The following SFMBT2 variants were observed in gnomAD, a reference collection of about 807,000 sequenced individuals.
SFMBT2 encodes the protein Scm like with four mbt domains 2.
SFMBT2 carries 38 observed loss-of-function variants against 110.1 expected under a neutral mutation model. The ratio of observed to expected loss-of-function variants is 0.35; its 90% CI spans 0.27 to 0.45. SFMBT2 has a LOEUF of 0.45. Ranked by LOEUF, SFMBT2 falls within the 20% of genes least tolerant of loss-of-function variation. The pLI, the probability that SFMBT2 is intolerant of heterozygous loss-of-function variation, is 1.00. For synonymous variants in SFMBT2, 425 were observed against 425.4 expected (o/e 1.00, Z 0.01); for missense variants, 1,011 against 1,094.9 (o/e 0.92, Z 1.08).
chr10:7,221,676 T>C (rs1839745176), intron 10 of SFMBT2, among the ~76,000 whole-genome samples: 1 of 152,338 alleles, frequency 6.6e-6, no homozygotes, highest in Admixed American at 6.5e-5. Flanking sequence ...TTCTTTTTGT[T>C]TATTGCTATT....
chr10:7,398,643 C>T (rs1845989205), intron 1 of SFMBT2, among the ~76,000 whole-genome samples: 1 of 152,006 alleles, frequency 6.6e-6, no homozygotes, highest in African/African-American at 2.4e-5. Flanking sequence ...TAAAATGCAG[C>T]AGTTTTAGAA....
At chr10:7,386,214 G>A (rs1369614891) in intron 1 of SFMBT2, among the ~76,000 whole-genome samples, 2 of 152,246 alleles carry the variant, frequency 1.3e-5, no homozygotes, top group East Asian at 3.9e-4. Context: ...GATTACTTTC[G>A]AGACATTTAA....
At chr10:7,188,453 T>C (rs753585665) in intron 16 of SFMBT2, among the ~76,000 whole-genome samples, 171 bp downstream of exon 16, 22 of 152,212 alleles carry the variant, frequency 1.4e-4, no homozygotes, top group Non-Finnish European at 3.1e-4. Context: ...AAGGCAACGC[T>C]GTATGGCAAA....
chr10:7,241,076 C>G (rs917467548), intron 9 of SFMBT2: 1 of 152,240 alleles, frequency 6.6e-6, no homozygotes, highest in African/African-American at 2.4e-5. Flanking sequence ...GTGAATAAGT[C>G]TCACGAGATC....
At chr10:7,266,437 G>A (rs1841394685) in intron 7 of SFMBT2, among the ~76,000 whole-genome samples, 2 of 152,128 alleles carry the variant, frequency 1.3e-5, no homozygotes, top group African/African-American at 4.8e-5. Context: ...TGAGGGAAGG[G>A]GCCATGCAGG....
chr10:7,379,816 G>A (rs773089549), intron 2 of SFMBT2, among the ~76,000 whole-genome samples: 2 of 152,270 alleles, frequency 1.3e-5, no homozygotes, highest in South Asian at 2.1e-4. Context: ...GACTCCCCCA[G>A]CCAAGGATAT....
At chr10:7,217,613 C>T (rs192803907) in intron 11 of SFMBT2, among the ~76,000 whole-genome samples, 1 of 152,172 alleles carries the variant, frequency 6.6e-6, no homozygotes, top group Admixed American at 6.5e-5. Context: ...GAGAGCATAC[C>T]GAACTGCTGG....
chr10:7,373,763 C>T (rs565587808), intron 2 of SFMBT2, among the ~76,000 whole-genome samples: 18 of 152,202 alleles, frequency 1.2e-4, no homozygotes, highest in Admixed American at 1.0e-3. Context: ...CACAGGAAGC[C>T]GTGGCCACCT....
chr10:7,228,511 C>A (rs543004795), intron 9 of SFMBT2: 1 of 237,722 alleles, frequency 4.2e-6, no homozygotes, highest in African/African-American at 2.3e-5. Context: ...GCAAACGTTG[C>A]CCTGGAACTG....
At chr10:7,211,596 G>A (rs998314080) in intron 11 of SFMBT2, among the ~76,000 whole-genome samples, 6 of 152,062 alleles carry the variant, frequency 3.9e-5, no homozygotes, top group East Asian at 1.9e-4. Flanking sequence ...CCTCTTCCCC[G>A]AGACAGCTCC....
chr10:7,164,576 G>T (rs1043729262), intron 20 of SFMBT2, among the ~76,000 whole-genome samples: 17 of 152,036 alleles, frequency 1.1e-4, no homozygotes, highest in Admixed American at 1.1e-3. Flanking sequence ...GCAGGGCCAG[G>T]TCCTCCCTAA....
intron 1 of SFMBT2, among the ~76,000 whole-genome samples, chr10:7,383,720 G>A (rs774772334): frequency 8.5e-5 from 13 of 152,160 alleles, no homozygotes; most frequent in East Asian, 1.9e-4. Context: ...CTGTCAATGC[G>A]AGATTATCGC....
intron 3 of SFMBT2, chr10:7,368,416 T>G: frequency 3.1e-6 from 3 of 963,230 alleles, no homozygotes; most frequent in Non-Finnish European, 3.7e-6. Flanking sequence ...CTTTCCAGCC[T>G]GGTGGGTCTT....
At chr10:7,192,803 C>G (rs1231608640) in intron 15 of SFMBT2, among the ~76,000 whole-genome samples, 1 of 152,184 alleles carries the variant, frequency 6.6e-6, no homozygotes, top group Non-Finnish European at 1.5e-5. Flanking sequence ...TGGGGCGTCT[C>G]TGACTCAGGG....
intron 6 of SFMBT2, among the ~76,000 whole-genome samples, chr10:7,279,081 C>CA (rs531523401): frequency 0.48 from 67,031 of 139,724 alleles, 16,629 homozygotes; most frequent in East Asian, 0.75. Context: ...ACTTCATCTC[C>CA]AAAAAAAAAA....
chr10:7,388,919 A>T (rs1845694815), intron 1 of SFMBT2, among the ~76,000 whole-genome samples: 1 of 152,176 alleles, frequency 6.6e-6, no homozygotes, highest in Non-Finnish European at 1.5e-5. Flanking sequence ...GGCGAGATGG[A>T]TGAATGGAAA....
At chr10:7,407,438 G>C (rs151077066) in intron 1 of SFMBT2, among the ~76,000 whole-genome samples, 1 of 152,154 alleles carries the variant, frequency 6.6e-6, no homozygotes, top group African/African-American at 2.4e-5. Flanking sequence ...AGATCCAAGA[G>C]GGGTCGGCCT....
chr10:7,204,915 C>CATG, intron 12 of SFMBT2: 1 of 984,688 alleles, frequency 1.0e-6, no homozygotes, highest in Non-Finnish European at 1.2e-6. Flanking sequence ...TTTAAATGTG[C>CATG]ATGTGCGTGT....
intron 4 of SFMBT2, among the ~76,000 whole-genome samples, chr10:7,312,493 G>A (rs1842886907): frequency 6.6e-6 from 1 of 152,182 alleles, no homozygotes; most frequent in African/African-American, 2.4e-5. Flanking sequence ...ATAAAATAGA[G>A]GAAAAGAGAA....
Sources: allele counts gnomAD v4.1 joint callset (sites outside exome capture counted in the v4.1 genomes callset), GRCh38; gene constraint gnomAD v4.1.1; transcripts MANE v1.5; gene names NCBI Gene and HGNC (gene_info 2026-07-23, HGNC 2026-07-21).